The following CHST11 variants were observed in gnomAD, a reference collection of about 807,000 sequenced individuals.
CHST11 encodes C4S-1.
A neutral mutation model predicts 30.4 loss-of-function variants in CHST11; 9 were observed. That is an observed-to-expected ratio of 0.30 (90% CI 0.18 to 0.52). The LOEUF (loss-of-function observed/expected upper bound fraction) is 0.52, where lower values mean the gene tolerates loss of function less well. Ranked by LOEUF, CHST11 falls within the 20% of genes least tolerant of loss-of-function variation. CHST11 has a pLI of 0.97. For missense variants in CHST11, 348 were observed against 460.6 expected, an observed-to-expected ratio of 0.76 and a Z score of 2.24; for synonymous variants, 152 against 187.8, an observed-to-expected ratio of 0.81 and a Z score of 1.56.
At chr12:104,562,153 T>G (rs184251756) in intron 1 of CHST11, among the ~76,000 whole-genome samples, 38 of 152,252 alleles carry the variant, frequency 2.5e-4, no homozygotes, top group Non-Finnish European at 4.6e-4. Context: ...GTTGGTGTTG[T>G]TCCTAGCAGC....
intron 1 of CHST11, among the ~76,000 whole-genome samples, chr12:104,587,437 G>A (rs1487540031): frequency 6.6e-6 from 1 of 152,134 alleles, no homozygotes; most frequent in Non-Finnish European, 1.5e-5. Flanking sequence ...TCAAGCGGTT[G>A]CCCAGACTAG....
intron 1 of CHST11, among the ~76,000 whole-genome samples, chr12:104,537,934 G>A (rs1001512170): frequency 6.6e-6 from 1 of 152,068 alleles, no homozygotes; most frequent in African/African-American, 2.4e-5. Context: ...GAGCTCAAGC[G>A]ATCCTCCCAC....
At position 104,671,281 on chromosome 12, in the gene CHST11, G is replaced by A. The variant is rs78278230; in HGVS notation, c.204+69290G>A. ...TGATCCTAAGCATGGGGTGTGGGTG[G>A]TAGGGAAAAGCCTGGAGCAGGGCTG... On this transcript the variant is annotated intron_variant, in intron 2 of 2. Coordinates refer to ENST00000303694, the MANE Select transcript of CHST11 (RefSeq NM_018413.6). 5.3e-3 allele frequency among the ~76,000 whole-genome samples: 806 copies of A among 152,318 alleles called. 8 individuals carry two copies. Among genetic ancestry groups the A allele is most frequent in the African/African-American group, 0.019 (771 of 41,562 alleles).
intron 1 of CHST11, among the ~76,000 whole-genome samples, chr12:104,587,199 G>A (rs1467132681): frequency 6.6e-6 from 1 of 152,168 alleles, no homozygotes; most frequent in Non-Finnish European, 1.5e-5. Flanking sequence ...AATCTAGGAA[G>A]CTACCTTTAA....
intron 2 of CHST11, among the ~76,000 whole-genome samples, chr12:104,728,381 C>T (rs939466073): frequency 1.3e-5 from 2 of 151,956 alleles, no homozygotes; most frequent in Non-Finnish European, 2.9e-5. Flanking sequence ...ACTTAGCACC[C>T]AGCATTTTGT....
chr12:104,524,364 A>G (rs903969856), intron 1 of CHST11, among the ~76,000 whole-genome samples: 1 of 152,210 alleles, frequency 6.6e-6, no homozygotes, highest in African/African-American at 2.4e-5. Context: ...ACCCTTAGTC[A>G]GAGAGCTAGT....
intron 2 of CHST11, among the ~76,000 whole-genome samples, chr12:104,720,545 A>G (rs762952470): frequency 2.8e-4 from 43 of 152,304 alleles, no homozygotes; most frequent in Non-Finnish European, 5.4e-4. Flanking sequence ...TCTCCCCAGG[A>G]CCACGGCCAC....
At chr12:104,617,044 A>G (rs1309177347) in intron 2 of CHST11, among the ~76,000 whole-genome samples, 1 of 152,218 alleles carries the variant, frequency 6.6e-6, no homozygotes, top group African/African-American at 2.4e-5. Flanking sequence ...TGGAGTCCCA[A>G]GGTGGGCCAG....
intron 1 of CHST11, 91 bp downstream of exon 1, chr12:104,457,620 A>C (rs1593942940): frequency 2.1e-6 from 2 of 941,896 alleles, no homozygotes; most frequent in African/African-American, 1.6e-5. Context: ...TTCCAACCCT[A>C]CCTCTCCGCC....
At chr12:104,480,022 T>C (rs1256449090) in intron 1 of CHST11, among the ~76,000 whole-genome samples, 1 of 152,342 alleles carries the variant, frequency 6.6e-6, no homozygotes, top group East Asian at 1.9e-4. Flanking sequence ...GGTCATGTGC[T>C]AAACTTGTGT....
chr12:104,504,432 C>T (rs923168982), intron 1 of CHST11, among the ~76,000 whole-genome samples: 7 of 152,204 alleles, frequency 4.6e-5, no homozygotes, highest in Non-Finnish European at 1.0e-4. Context: ...GATGTCACCT[C>T]AGTGGCAGCA....
Position 104,480,577 on chromosome 12 carries a change from C to CAA in CHST11, c.118+23067_118+23068dup, listed in dbSNP as rs58063092. Reference sequence around the variant, plus strand: ...TGGGCTACAGAGCAAGATTCCATCTCAAAAAAAAAAAAAAAAAAAAGATGA... The same window carrying CAA: ...TGGGCTACAGAGCAAGATTCCATCTCAAAAAAAAAAAAAAAAAAAAAAGATGA... On this transcript the variant is annotated intron_variant, in intron 1 of 2. Coordinates refer to ENST00000303694, the MANE Select transcript of CHST11 (RefSeq NM_018413.6). Among the ~76,000 whole-genome samples the CAA allele has an allele frequency of 5.7e-3, 639 of 112,622 alleles. 2 individuals carry two copies. The highest frequency in any genetic ancestry group is 8.0e-3 in the Non-Finnish European group (441 of 54,934). 73.9% of individuals were successfully genotyped at this position (112,622 alleles called of 152,430 possible).
intron 2 of CHST11, among the ~76,000 whole-genome samples, chr12:104,731,542 A>C (rs1566057587): frequency 6.6e-6 from 1 of 152,158 alleles, no homozygotes; most frequent in South Asian, 2.1e-4. Flanking sequence ...AATGGGCTCG[A>C]GGGCTGTGGC....
At chr12:104,695,696 C>A (rs1264786912) in intron 2 of CHST11, among the ~76,000 whole-genome samples, 1 of 152,144 alleles carries the variant, frequency 6.6e-6, no homozygotes, top group Admixed American at 6.5e-5. Flanking sequence ...TTTTTTAATT[C>A]TGTGACCACA....
intron 1 of CHST11, among the ~76,000 whole-genome samples, chr12:104,515,718 G>C (rs997992013): frequency 3.9e-5 from 6 of 152,150 alleles, no homozygotes; most frequent in African/African-American, 9.7e-5. Flanking sequence ...GGAAGGGCAG[G>C]GGGAGAGAGT....
Position 104,744,426 on chromosome 12 carries a change from C to A in CHST11, c.205-12523C>A, listed in dbSNP as rs185958735. On this transcript the variant is annotated intron_variant, in intron 2 of 2. Transcript: ENST00000303694. ...TCTTTTGAAAACTGTCTGTTCACATCCTCTGCCCACTTTTTTATGGGGTTG... is the reference window on the plus strand; with the variant it reads ...TCTTTTGAAAACTGTCTGTTCACATACTCTGCCCACTTTTTTATGGGGTTG... 1.3e-3 allele frequency among the ~76,000 whole-genome samples: 200 copies of A among 152,218 alleles called. 1 individual carries two copies. The highest frequency in any genetic ancestry group is 1.8e-3 in the Non-Finnish European group (124 of 68,010).
At chr12:104,745,071 G>A (rs1417766281) in intron 2 of CHST11, among the ~76,000 whole-genome samples, 15 of 151,878 alleles carry the variant, frequency 9.9e-5, no homozygotes, top group Non-Finnish European at 1.3e-4. Flanking sequence ...ACCGGGTTTC[G>A]CCGTGTTGGC....
chr12:104,557,742 A>G (rs2038471500), intron 1 of CHST11, among the ~76,000 whole-genome samples: 1 of 152,070 alleles, frequency 6.6e-6, no homozygotes, highest in South Asian at 2.1e-4. Flanking sequence ...AAGTGGGAAG[A>G]GAGGCGAGGA....
chr12:104,584,984 G>A (rs905590418), intron 1 of CHST11, among the ~76,000 whole-genome samples: 1 of 152,128 alleles, frequency 6.6e-6, no homozygotes, highest in African/African-American at 2.4e-5. Flanking sequence ...TCTCTCTGTT[G>A]GCATCTTGTG....
Sources: gnomAD v4.1 joint callset for allele counts (sites outside exome capture counted in the v4.1 genomes callset) on GRCh38, gnomAD v4.1.1 for gene constraint, MANE v1.5 for transcripts, NCBI Gene and HGNC (gene_info 2026-07-23, HGNC 2026-07-21) for gene names.